Variants in USP22 observed in about 807,000 individuals in gnomAD.
USP22 encodes ubiquitin specific peptidase 22, also known as ubiquitin carboxyl-terminal hydrolase 22.
USP22 carries 22 observed loss-of-function variants against 68.1 expected under a neutral mutation model. The observed-to-expected ratio is 0.32, with a 90% CI of 0.23 to 0.46. USP22 has a LOEUF of 0.46. USP22 is among the 20% of genes least tolerant of loss of function. The pLI is 1.00. For synonymous variants in USP22, 279 were observed against 274.2 expected (o/e 1.02, Z -0.17); for missense variants, 433 against 695.8 (o/e 0.62, Z 4.25).
intron 12 of USP22, among the ~76,000 whole-genome samples, chr17:21,003,783 C>T (rs992011759): frequency 6.9e-6 from 1 of 145,486 alleles, no homozygotes; most frequent in East Asian, 2.0e-4. Context: ...GCCTATAATC[C>T]CAGCTACTTG....
At chr17:21,012,448 C>G (rs773258511) in intron 7 of USP22, among the ~76,000 whole-genome samples, 1 of 152,070 alleles carries the variant, frequency 6.6e-6, no homozygotes, top group Non-Finnish European at 1.5e-5. Context: ...ATAATGAAAA[C>G]TAACACACTT....
rs764938644 is a variant in USP22 at position 21,011,135 on chromosome 17, G to A, written c.1103+16C>T. 1 of 1,567,292 alleles carries A rather than the reference G, an allele frequency of 6.4e-7. No individual in the cohort carries two copies. Among genetic ancestry groups the A allele is most frequent in the Middle Eastern group, 1.7e-4 (1 of 5,778 alleles). On this transcript the variant is annotated intron_variant, in intron 8 of 12. Coordinates refer to ENST00000261497, the MANE Select transcript of USP22 (RefSeq NM_015276.2). ...CCAGGAGACACGCCCCCGCCGTGTGGGTGCAGGCCTCTCACCGTCGCAGGC... is the reference window on the plus strand; with the variant it reads ...CCAGGAGACACGCCCCCGCCGTGTGAGTGCAGGCCTCTCACCGTCGCAGGC...
intron 1 of USP22, among the ~76,000 whole-genome samples, chr17:21,042,428 A>C: frequency 1.0e-5 from 1 of 99,866 alleles, no homozygotes; most frequent in African/African-American, 5.7e-5. Flanking sequence ...GAATGGGGGA[A>C]GGGGGGAGAG....
At chr17:21,008,555 G>C (rs1447836245) in intron 8 of USP22, among the ~76,000 whole-genome samples, 2 of 152,100 alleles carry the variant, frequency 1.3e-5, no homozygotes, top group African/African-American at 2.4e-5. Flanking sequence ...TGACATTCTG[G>C]AATTGTCAGG....
intron 2 of USP22, among the ~76,000 whole-genome samples, chr17:21,023,396 T>C (rs1972181288): frequency 6.6e-6 from 1 of 152,144 alleles, no homozygotes; most frequent in Non-Finnish European, 1.5e-5. Flanking sequence ...CTCACACCTG[T>C]AATCCCAGCA....
At chr17:21,042,507 G>A (rs935003870) in intron 1 of USP22, among the ~76,000 whole-genome samples, 158 bp downstream of exon 1, 2 of 151,276 alleles carry the variant, frequency 1.3e-5, no homozygotes, top group African/African-American at 2.4e-5. Context: ...GGAGGGGGAA[G>A]GGGTAAAGAG....
chr17:21,025,870 C>T (rs903507494), intron 2 of USP22, among the ~76,000 whole-genome samples: 5 of 152,286 alleles, frequency 3.3e-5, no homozygotes, highest in Admixed American at 6.5e-5. Flanking sequence ...CTGTTAACGA[C>T]GCATTCCTCT....
At chr17:21,034,919 G>A (rs374833611) in intron 1 of USP22, among the ~76,000 whole-genome samples, 8 of 152,162 alleles carry the variant, frequency 5.3e-5, no homozygotes, top group African/African-American at 1.7e-4. Context: ...AAGTTTGCAC[G>A]TAATACAAAT....
At chr17:21,010,817 G>A (rs544176437) in intron 8 of USP22, among the ~76,000 whole-genome samples, 14 of 152,106 alleles carry the variant, frequency 9.2e-5, no homozygotes, top group Non-Finnish European at 1.8e-4. Flanking sequence ...GGAGAGGCCC[G>A]GGCGCATCTC....
In USP22 at chr17:21,006,608, G is replaced by A. The variant is rs76509499; in HGVS notation, c.1322+288C>T. On this transcript the variant is annotated intron_variant, in intron 10 of 12. Transcript: ENST00000261497. The stretch of plus-strand genomic sequence containing the variant: ...CAACCTCCACCTCCTGGGTTCAAGC[G>A]ATTCTCCTGCCTCAGCCTCCCAAAT... 8.1e-3 allele frequency: 1,334 copies of A among 164,276 alleles called. 25 individuals carry two copies. The highest frequency in any genetic ancestry group is 0.029 in the African/African-American group (1,221 of 41,780). 10.2% of individuals were successfully genotyped at this position (164,276 alleles called of 1,614,324 possible). A position where few individuals can be genotyped will look rare whatever the true frequency, so the allele number is the denominator to read the frequency against.
rs57441716 is a variant in USP22 at position 21,000,662 on chromosome 17, TG to T, written c.*2368del. 0.21 allele frequency: 31,241 copies of T among 152,116 alleles called. 3,603 individuals carry two copies. Among genetic ancestry groups the T allele is most frequent in the South Asian group, 0.28 (1,345 of 4,820 alleles). 9.4% of individuals were successfully genotyped at this position (152,116 alleles called of 1,614,324 possible). A position where few individuals can be genotyped will look rare whatever the true frequency, so the allele number is the denominator to read the frequency against. The stretch of plus-strand genomic sequence containing the variant: ...CACTCCGCAAGACACCCCAGTAAAC[TG>T]GGGCGTCCCAAGGTGGCAAGCCTTC... On this transcript the variant is annotated 3_prime_UTR_variant, in exon 13 of 13. Coordinates refer to ENST00000261497, the MANE Select transcript of USP22 (RefSeq NM_015276.2).
intron 2 of USP22, among the ~76,000 whole-genome samples, chr17:21,025,364 G>A (rs1358048565): frequency 6.6e-6 from 1 of 152,102 alleles, no homozygotes; most frequent in Non-Finnish European, 1.5e-5. Context: ...AAAAATAAAA[G>A]TGTTGGCAAG....
chr17:21,036,889 G>T (rs1389148974), intron 1 of USP22, among the ~76,000 whole-genome samples: 3 of 152,182 alleles, frequency 2.0e-5, no homozygotes, highest in Non-Finnish European at 2.9e-5. Context: ...CCAGTGCCCA[G>T]ATCTTGAGAT....
intron 6 of USP22, 75 bp downstream of exon 6, chr17:21,015,677 A>G: frequency 1.3e-6 from 2 of 1,509,832 alleles, no homozygotes; most frequent in Admixed American, 4.5e-5. Context: ...GCACGAGTGC[A>G]TACACTCGCT....
At chr17:21,022,385 AT>A (rs1372816460) in intron 2 of USP22, among the ~76,000 whole-genome samples, 13 of 152,118 alleles carry the variant, frequency 8.5e-5, no homozygotes, top group Admixed American at 1.3e-4. Context: ...AGTCAAAAAA[AT>A]AAAATAAAAT....
rs1393851314 is a variant in USP22, at chr17:21,001,640, G to A, written c.*1391C>T. ...ACATCTGCCCACCGCTGAGACAGAT[G>A]ATCCTGTTCCTGCAGGACTGAAGAA... is the stretch of plus-strand genomic sequence containing the variant. On this transcript the variant is annotated 3_prime_UTR_variant, in exon 13 of 13. Coordinates refer to ENST00000261497, the MANE Select transcript of USP22 (RefSeq NM_015276.2). 6.6e-6 allele frequency: 1 copy of A among 152,192 alleles called. No homozygotes were observed. Among genetic ancestry groups the A allele is most frequent in the Non-Finnish European group, 1.5e-5 (1 of 68,056 alleles). The allele number at this position is 152,192 out of a possible 1,614,324, so 9.4% of individuals were successfully genotyped here.
intron 2 of USP22, among the ~76,000 whole-genome samples, chr17:21,026,639 TA>T (rs928803791): frequency 2.4e-4 from 34 of 143,322 alleles, no homozygotes; most frequent in Admixed American, 5.6e-4. Context: ...CTCACTTCTT[TA>T]AAAAAAAAAA....
At chr17:21,009,450 C>T (rs1913878784) in intron 8 of USP22, among the ~76,000 whole-genome samples, 2 of 93,018 alleles carry the variant, frequency 2.2e-5, no homozygotes, top group Admixed American at 2.2e-4. Context: ...CCTTTGCTTG[C>T]AATACAAAGT....
chr17:21,005,960 G>A (rs1315574779), intron 10 of USP22, among the ~76,000 whole-genome samples: 1 of 152,164 alleles, frequency 6.6e-6, no homozygotes, highest in Non-Finnish European at 1.5e-5. Context: ...ACAGAGTCAG[G>A]GGAGCTGGCC....
Sources: gnomAD v4.1 joint callset for allele counts (sites outside exome capture counted in the v4.1 genomes callset) on GRCh38, gnomAD v4.1.1 for gene constraint, MANE v1.5 for transcripts, NCBI Gene and HGNC (gene_info 2026-07-23, HGNC 2026-07-21) for gene names.